FUT8: variants seen among roughly 807,000 people sequenced by gnomAD.
The protein encoded by FUT8 is fucosyltransferase 8, also known as alpha-(1,6)-fucosyltransferase.
A neutral mutation model predicts 71.3 loss-of-function variants in FUT8; 29 were observed. That is an observed-to-expected ratio of 0.41 (90% CI 0.30 to 0.55). The LOEUF is 0.55. Ranked by LOEUF, FUT8 falls within the 20% of genes least tolerant of loss-of-function variation. The probability of loss-of-function intolerance (pLI) is 0.34; values close to 1 mark genes in which losing one functional copy is unlikely to be tolerated. For missense variants in FUT8, 544 were observed against 702.1 expected (o/e 0.77, Z 2.55); for synonymous variants, 254 against 239.3 (o/e 1.06, Z -0.57).
At chr14:65,722,714 G>A (rs745681706) in intron 8 of FUT8, among the ~76,000 whole-genome samples, 3 of 152,206 alleles carry the variant, frequency 2.0e-5, no homozygotes, top group Non-Finnish European at 2.9e-5. Context: ...TATGAAGGAT[G>A]TGGGAAGGAA....
At chr14:65,626,564 AG>A (rs1327420315) in intron 5 of FUT8, among the ~76,000 whole-genome samples, 1 of 152,182 alleles carries the variant, frequency 6.6e-6, no homozygotes, top group Non-Finnish European at 1.5e-5. Context: ...GACATTTCTG[AG>A]GTTTGTGACT....
intron 3 of FUT8, among the ~76,000 whole-genome samples, chr14:65,586,220 A>C (rs957948033): frequency 6.6e-6 from 1 of 152,206 alleles, no homozygotes; most frequent in Admixed American, 6.5e-5. Context: ...CAGAAAGAAG[A>C]ATATATCATT....
intron 3 of FUT8, among the ~76,000 whole-genome samples, chr14:65,600,370 T>G (rs2064695): frequency 0.54 from 82,262 of 151,998 alleles, 22,683 homozygotes; most frequent in East Asian, 0.65. Flanking sequence ...GTTACTTCAT[T>G]TATGCAAAAA....
intron 1 of FUT8, among the ~76,000 whole-genome samples, chr14:65,428,213 A>T (rs776064983): frequency 6.6e-6 from 1 of 152,122 alleles, no homozygotes; most frequent in African/African-American, 2.4e-5. Context: ...TTCCTCTTAA[A>T]TGTAGCCACT....
chr14:65,416,895 C>T (rs1402043345), intron 1 of FUT8, among the ~76,000 whole-genome samples: 1 of 151,172 alleles, frequency 6.6e-6, no homozygotes, highest in African/African-American at 2.4e-5. Context: ...GCCATTCTCC[C>T]GCCTTAGCCT....
the FUT8 span, among the ~76,000 whole-genome samples, chr14:65,365,785 A>T: frequency 1.3e-5 from 2 of 152,186 alleles, no homozygotes; most frequent in African/African-American, 4.8e-5. Flanking sequence ...GGGCAACCAG[A>T]AGCCCTTGGT....
At chr14:65,501,171 A>C (rs2066640403) in intron 2 of FUT8, among the ~76,000 whole-genome samples, 1 of 152,192 alleles carries the variant, frequency 6.6e-6, no homozygotes, top group South Asian at 2.1e-4. Context: ...TGAGACCAGG[A>C]GTTTGAGACC....
intron 7 of FUT8, among the ~76,000 whole-genome samples, chr14:65,700,381 G>GTTTTTTTTTTTTTTTTTTTTT (rs763718984): frequency 2.0e-5 from 1 of 48,850 alleles, no homozygotes; most frequent in Non-Finnish European, 3.5e-5. Flanking sequence ...CTTTCTTTCT[G>GTTTTTTTTTTTTTTTTTTTTT]TTTTTTTTTT....
intron 3 of FUT8, among the ~76,000 whole-genome samples, chr14:65,577,658 T>C (rs553448895): frequency 3.9e-5 from 6 of 152,288 alleles, no homozygotes; most frequent in African/African-American, 1.4e-4. Context: ...ATGGATGAGA[T>C]AATTTGGAAA....
intron 2 of FUT8, among the ~76,000 whole-genome samples, chr14:65,476,693 G>T (rs950124651): frequency 2.9e-5 from 4 of 136,046 alleles, no homozygotes; most frequent in Non-Finnish European, 6.1e-5. Context: ...TTTGCTGTAG[G>T]TCTCCCAGGC....
intron 1 of FUT8, chr14:65,430,458 C>G (rs1467218318): frequency 6.6e-6 from 1 of 152,090 alleles, no homozygotes; most frequent in Non-Finnish European, 1.5e-5. Context: ...AAAAGAGACA[C>G]TTTTTCTGTT....
Position 65,733,338 on chromosome 14 carries a change from T to G in FUT8, c.1367T>G (p.Phe456Cys), listed in dbSNP as rs1245962947. 2 of 1,606,732 alleles carry G rather than the reference T, an allele frequency of 1.2e-6. No individual in the cohort carries two copies. The highest frequency in any genetic ancestry group is 1.7e-6 in the Non-Finnish European group (2 of 1,176,372). The change falls in exon 10 of 11, where the codon TTT becomes TGT. Residue 456 changes from phenylalanine to cysteine, a missense_variant. Phe to Cys is a radical substitution (Grantham distance 205, BLOSUM62 -2). Transcript: ENST00000673929. ...CGTGGAGTGATCCTGGATATACATT[T>G]TCTCTCTCAGGCAGACTTCCTAGTG... ...SLRGVILDIH[F>C]LSQADFLVCT...
At chr14:65,530,009 G>T (rs1428598191) in intron 2 of FUT8, among the ~76,000 whole-genome samples, 17 of 152,104 alleles carry the variant, frequency 1.1e-4, no homozygotes, top group Admixed American at 1.0e-3. Context: ...CTGGAAATTG[G>T]TTTTGCTCTG....
At chr14:65,576,387 CATT>C (rs1392264377) in intron 3 of FUT8, among the ~76,000 whole-genome samples, 1 of 152,126 alleles carries the variant, frequency 6.6e-6, no homozygotes, top group African/African-American at 2.4e-5. Context: ...TCATTATTTT[CATT>C]ATTAAGTCTT....
chr14:65,582,831 A>G (rs1472361015), intron 3 of FUT8, among the ~76,000 whole-genome samples: 1 of 152,226 alleles, frequency 6.6e-6, no homozygotes, highest in African/African-American at 2.4e-5. Context: ...TGAATGAATG[A>G]GCCCAGTTGA....
the FUT8 span, among the ~76,000 whole-genome samples, chr14:65,401,743 C>CA: frequency 2.2e-3 from 336 of 151,786 alleles, no homozygotes; most frequent in Non-Finnish European, 3.9e-3. Flanking sequence ...ACTAAAAATA[C>CA]AAAAAAATTT....
At chr14:65,692,058 C>G (rs1307129855) in intron 7 of FUT8, among the ~76,000 whole-genome samples, 75 of 151,906 alleles carry the variant, frequency 4.9e-4, no homozygotes, top group Non-Finnish European at 7.8e-4. Context: ...ACCTTTCCCC[C>G]CTTTCTATTC....
rs117196282 is a variant in FUT8, at chr14:65,546,880, G to A, written c.-227-14457G>A. 4.5e-3 allele frequency among the ~76,000 whole-genome samples: 682 copies of A among 151,666 alleles called. 3 individuals carry two copies. Among genetic ancestry groups the A allele is most frequent in the Non-Finnish European group, 6.5e-3 (442 of 67,628 alleles). ...TCTTCATGGGAAGATTTACAAATAC[G>A]CATTCAACTTCCTTAAGCTTTAAGT... On this transcript the variant is annotated intron_variant, in intron 2 of 10. Transcript: ENST00000673929.
At chr14:65,429,920 G>A (rs1226180133) in intron 1 of FUT8, among the ~76,000 whole-genome samples, 6 of 144,782 alleles carry the variant, frequency 4.1e-5, no homozygotes, top group African/African-American at 1.5e-4. Flanking sequence ...AGCTACAAAA[G>A]TTGAATCCCA....
Sources: gnomAD v4.1 joint callset for allele counts (sites outside exome capture counted in the v4.1 genomes callset) on GRCh38, gnomAD v4.1.1 for gene constraint, MANE v1.5 for transcripts, NCBI Gene and HGNC (gene_info 2026-07-23, HGNC 2026-07-21) for gene names.